Variants in ERBB4 observed in about 807,000 individuals in gnomAD.
The protein encoded by ERBB4 is erb-b2 receptor tyrosine kinase 4.
In ERBB4, 42 loss-of-function variants were observed where a neutral mutation model predicts 158.0. The observed-to-expected ratio is 0.27, with a 90% confidence interval of 0.21 to 0.34. The LOEUF is 0.34. ERBB4 is among the 10% of genes least tolerant of loss of function. ERBB4 has a pLI of 1.00. For missense variants in ERBB4, 1,333 were observed against 1,624.1 expected (o/e 0.82, Z 3.08); for synonymous variants, 583 against 558.7 (o/e 1.04, Z -0.61).
intron 3 of ERBB4, among the ~76,000 whole-genome samples, chr2:211,867,744 T>C (rs2078245377): frequency 6.6e-6 from 1 of 152,180 alleles, no homozygotes; most frequent in East Asian, 1.9e-4. Context: ...ATTTTATTTT[T>C]ATCAAATCAG....
intron 2 of ERBB4, among the ~76,000 whole-genome samples, chr2:212,012,496 A>C (rs2076412525): frequency 6.7e-6 from 1 of 149,312 alleles, no homozygotes; most frequent in Admixed American, 6.7e-5. Context: ...AGCTCACCGC[A>C]AACTCCACCT....
rs72935714 is a variant in ERBB4 at position 211,953,940 on chromosome 2, A to C, written c.235-6324T>G. 3.9e-3 allele frequency among the ~76,000 whole-genome samples: 587 copies of C among 152,196 alleles called. 5 individuals carry two copies. The highest frequency in any genetic ancestry group is 6.8e-3 in the Middle Eastern group (2 of 294). On this transcript the variant is annotated intron_variant, in intron 2 of 27. Coordinates refer to ENST00000342788, the MANE Select transcript of ERBB4 (RefSeq NM_005235.3). ...ATTCTAGAGACAATGTGAAATCTGC[A>C]GTTATAAACCTGGAATTTTCAATGG...
intron 1 of ERBB4, among the ~76,000 whole-genome samples, chr2:212,259,162 T>C (rs1032076494): frequency 6.6e-6 from 1 of 152,204 alleles, no homozygotes; most frequent in Non-Finnish European, 1.5e-5. Context: ...AGGTGAGATA[T>C]GAATGTCAAT....
intron 1 of ERBB4, among the ~76,000 whole-genome samples, chr2:212,422,309 A>C (rs1188645807): frequency 1.3e-5 from 2 of 152,164 alleles, no homozygotes; most frequent in Non-Finnish European, 2.9e-5. Flanking sequence ...GCTCGAGACC[A>C]GTCTGGCCAA....
At chr2:212,439,836 A>T (rs749114877) in intron 1 of ERBB4, among the ~76,000 whole-genome samples, 8 of 152,156 alleles carry the variant, frequency 5.3e-5, no homozygotes, top group Non-Finnish European at 1.2e-4. Context: ...GCCCTGTATA[A>T]ATGGCCCTGA....
chr2:212,328,604 T>A (rs1350207598), intron 1 of ERBB4, among the ~76,000 whole-genome samples: 1 of 152,048 alleles, frequency 6.6e-6, no homozygotes. Context: ...TATAATTCTT[T>A]AAAACTCAAA....
At chr2:212,407,088 C>A (rs1274137544) in intron 1 of ERBB4, among the ~76,000 whole-genome samples, 1 of 151,744 alleles carries the variant, frequency 6.6e-6, no homozygotes. Flanking sequence ...TCTTCCCCTT[C>A]TAAATATGAC....
chr2:212,134,851 T>A (rs2080222742), intron 1 of ERBB4, among the ~76,000 whole-genome samples: 2 of 151,488 alleles, frequency 1.3e-5, no homozygotes, highest in Non-Finnish European at 2.9e-5. Flanking sequence ...GCCTGGCTAA[T>A]TTTTTTTGTA....
chr2:211,887,739 C>A (rs2078843117), intron 3 of ERBB4, among the ~76,000 whole-genome samples: 1 of 152,136 alleles, frequency 6.6e-6, no homozygotes, highest in South Asian at 2.1e-4. Flanking sequence ...ATTGATCCTG[C>A]AAAGCTATCT....
In ERBB4 at chr2:212,518,628, C is replaced by A. The variant is rs1691970522; in HGVS notation, c.82+19821G>T. Among the ~76,000 whole-genome samples, 3 of 151,974 alleles carry A rather than the reference C, an allele frequency of 2.0e-5. No individual in the cohort carries two copies. The South Asian group carries it at 6.2e-4, about 32-fold the overall frequency. ...AGCCCCTATTAGAAAAAAATGTGATCTTTTTTTGCGAAGATCAATCTTGAC... is the reference window on the plus strand; with the variant it reads ...AGCCCCTATTAGAAAAAAATGTGATATTTTTTTGCGAAGATCAATCTTGAC... On this transcript the variant is annotated intron_variant, in intron 1 of 27. Coordinates refer to ENST00000342788, the MANE Select transcript of ERBB4 (RefSeq NM_005235.3).
At chr2:211,499,446 C>A (rs1452796351) in intron 20 of ERBB4, among the ~76,000 whole-genome samples, 1 of 151,952 alleles carries the variant, frequency 6.6e-6, no homozygotes, top group Non-Finnish European at 1.5e-5. Flanking sequence ...TTGTTTGAAC[C>A]CAGGAGAAGG....
At chr2:212,401,429 T>C (rs1285837585) in intron 1 of ERBB4, among the ~76,000 whole-genome samples, 2 of 152,150 alleles carry the variant, frequency 1.3e-5, no homozygotes, top group Non-Finnish European at 2.9e-5. Context: ...CTACAAAAGC[T>C]GGTTTGAAAG....
chr2:212,408,090 ATTTATT>A (rs1487186243), intron 1 of ERBB4, among the ~76,000 whole-genome samples: 5 of 151,914 alleles, frequency 3.3e-5, no homozygotes, highest in African/African-American at 1.2e-4. Context: ...ATTTTTATTT[ATTTATT>A]TTTAAGTTCT....
At chr2:211,754,889 C>T (rs972639741) in intron 4 of ERBB4, among the ~76,000 whole-genome samples, 13 of 151,990 alleles carry the variant, frequency 8.6e-5, no homozygotes, top group South Asian at 2.1e-4. Flanking sequence ...TTAGTAGAGA[C>T]GGGGTTTCAC....
chr2:212,332,524 A>G (rs2088226714), intron 1 of ERBB4, among the ~76,000 whole-genome samples: 1 of 152,078 alleles, frequency 6.6e-6, no homozygotes, highest in South Asian at 2.1e-4. Flanking sequence ...TCAAATATAG[A>G]TTATTCTAAA....
chr2:211,814,367 A>T (rs2076831255), intron 3 of ERBB4, among the ~76,000 whole-genome samples: 1 of 152,208 alleles, frequency 6.6e-6, no homozygotes. Flanking sequence ...TATTTACTAT[A>T]AACATAAGGC....
intron 2 of ERBB4, among the ~76,000 whole-genome samples, chr2:211,977,138 A>C (rs2081631116): frequency 1.3e-5 from 2 of 152,188 alleles, no homozygotes; most frequent in Non-Finnish European, 2.9e-5. Context: ...CCTATGGTTA[A>C]TAAACTGATA....
At chr2:211,518,710 T>C (rs750976429) in intron 20 of ERBB4, among the ~76,000 whole-genome samples, 24 of 152,072 alleles carry the variant, frequency 1.6e-4, no homozygotes, top group Non-Finnish European at 2.5e-4. Flanking sequence ...ATGACTTATA[T>C]TAGGCTGTAG....
At chr2:211,818,190 T>C (rs907413006) in intron 3 of ERBB4, among the ~76,000 whole-genome samples, 2 of 152,254 alleles carry the variant, frequency 1.3e-5, no homozygotes, top group Admixed American at 1.3e-4. Context: ...AGGATTTTTA[T>C]TTCAAGAGAT....
Sources: allele counts gnomAD v4.1 joint callset (sites outside exome capture counted in the v4.1 genomes callset), GRCh38; gene constraint gnomAD v4.1.1; transcripts MANE v1.5; gene names NCBI Gene and HGNC (gene_info 2026-07-23, HGNC 2026-07-21).